The following GDA variants were observed in gnomAD, a reference collection of about 807,000 sequenced individuals.
GDA encodes the protein cytoplasmic PSD-95 interactor.
In GDA, 18 loss-of-function variants were observed where a neutral mutation model predicts 59.6. The observed-to-expected ratio is 0.30, with a 90% CI of 0.21 to 0.45. The LOEUF (loss-of-function observed/expected upper bound fraction) is 0.45, where lower values mean the gene tolerates loss of function less well. Ranked by LOEUF, GDA falls within the 20% of genes least tolerant of loss-of-function variation. The pLI is 1.00. For synonymous variants in GDA, 201 were observed against 201.1 expected, an observed-to-expected ratio of 1.00 and a Z score of 0.00; for missense variants, 427 against 552.3, an observed-to-expected ratio of 0.77 and a Z score of 2.27.
Position 72,192,482 on chromosome 9 carries a change from G to A in GDA, c.124-3018G>A, listed in dbSNP as rs535031691. On this transcript the variant is annotated intron_variant, in intron 1 of 13. Coordinates refer to ENST00000358399, the MANE Select transcript of GDA (RefSeq NM_004293.5). ...CCTGACCTCGTGATTCACCTGCCTC[G>A]GCCTCCCAAAGTGCTGGGATTACAG... 1.2e-4 allele frequency among the ~76,000 whole-genome samples: 18 copies of A among 150,322 alleles called. 1 individual carries two copies. The highest frequency in any genetic ancestry group is 3.4e-3 in the Middle Eastern group (1 of 294).
intron 5 of GDA, among the ~76,000 whole-genome samples, chr9:72,218,699 G>A (rs1421085820): frequency 6.6e-6 from 1 of 152,158 alleles, no homozygotes; most frequent in Non-Finnish European, 1.5e-5. Context: ...ATCCCCAAGA[G>A]AACTCTACCC....
chr9:72,240,516 A>C (rs562735701), intron 10 of GDA, among the ~76,000 whole-genome samples: 9 of 152,318 alleles, frequency 5.9e-5, no homozygotes, highest in South Asian at 2.1e-4. Context: ...GTGGGTCCCT[A>C]AAAGATGTCT....
upstream of GDA, among the ~76,000 whole-genome samples, chr9:72,146,825 A>G (rs1459128321): frequency 1.3e-5 from 2 of 152,160 alleles, no homozygotes; most frequent in Non-Finnish European, 2.9e-5. Flanking sequence ...TGGCTGAGCC[A>G]TGCTGCCTGG....
rs764025279 is a variant in GDA at position 72,241,313 on chromosome 9, A to G, written c.1135+15A>G. On this transcript the variant is annotated intron_variant, in intron 11 of 13. Transcript: ENST00000358399. ...AGGAAGCCAAGGTAATGACTCTTAC[A>G]TTTTTCTCTCACACAATATACAACC... The G allele has an allele frequency of 6.4e-7, 1 of 1,573,464 alleles. No homozygotes were observed. The highest frequency in any genetic ancestry group is 8.7e-7 in the Non-Finnish European group (1 of 1,149,240).
chr9:72,183,658 T>G (rs1312493726), intron 1 of GDA, among the ~76,000 whole-genome samples: 1 of 152,224 alleles, frequency 6.6e-6, no homozygotes, highest in Non-Finnish European at 1.5e-5. Context: ...ACTTAACATC[T>G]CTGTGCCTCA....
chr9:72,213,802 CAAAAAAA>C (rs200145454), intron 4 of GDA, 77 bp from the exon 5 acceptor site: 172,395 of 615,740 alleles, frequency 0.28, 20,202 homozygotes, highest in East Asian at 0.5. Context: ...GACTCCGTCT[CAAAAAAA>C]AAAAAAAAAA....
At position 72,245,280 on chromosome 9, in the gene GDA, T is replaced by C. The variant is rs1840027399; in HGVS notation, c.1266+2T>C. 6.2e-7 allele frequency: 1 copy of C among 1,604,996 alleles called. No homozygotes were observed. The highest frequency in any genetic ancestry group is 1.7e-5 in the Admixed American group (1 of 59,908). ...GACTTTTTTGGTGATATTTCTGAGG[T>C]AAGTAAAAGAAAGTTAATCAAAAGG... On this transcript the variant is annotated splice_donor_variant, in intron 12 of 13. Transcript: ENST00000358399. LOFTEE classifies it high-confidence loss of function.
chr9:72,127,730 G>A (rs557652693), intron 1 of GDA, among the ~76,000 whole-genome samples: 33 of 151,952 alleles, frequency 2.2e-4, no homozygotes, highest in Non-Finnish European at 4.9e-4. Context: ...TTTCAAGCTA[G>A]TTCTTGGATA....
At chr9:72,121,648 T>C (rs893076899) in intron 1 of GDA, among the ~76,000 whole-genome samples, 2 of 152,152 alleles carry the variant, frequency 1.3e-5, no homozygotes, top group Non-Finnish European at 2.9e-5. Flanking sequence ...TCTGCCCTTG[T>C]TTGTCTCCAA....
At chr9:72,231,233 T>A in intron 10 of GDA, 52 bp downstream of exon 10, 1 of 952,998 alleles carries the variant, frequency 1.0e-6, no homozygotes, top group Non-Finnish European at 1.7e-6. Flanking sequence ...TACTGTGTAA[T>A]TTTCTAATGT....
At chr9:72,169,094 A>T (rs1376498775) in intron 1 of GDA, among the ~76,000 whole-genome samples, 1 of 152,224 alleles carries the variant, frequency 6.6e-6, no homozygotes, top group African/African-American at 2.4e-5. Flanking sequence ...AAACTTTCTA[A>T]ACCCTTCCAA....
At chr9:72,201,469 A>C (rs916456706) in intron 2 of GDA, among the ~76,000 whole-genome samples, 6 of 152,204 alleles carry the variant, frequency 3.9e-5, no homozygotes, top group African/African-American at 1.4e-4. Flanking sequence ...GACAAGATCA[A>C]GATGACCACT....
intron 2 of GDA, among the ~76,000 whole-genome samples, chr9:72,202,308 A>G (rs1389992949): frequency 6.6e-6 from 1 of 152,154 alleles, no homozygotes; most frequent in African/African-American, 2.4e-5. Flanking sequence ...GCTTCTGCTC[A>G]ATGCTGTGTT....
At chr9:72,121,674 A>G (rs1156683948) in intron 1 of GDA, among the ~76,000 whole-genome samples, 1 of 152,180 alleles carries the variant, frequency 6.6e-6, no homozygotes, top group Non-Finnish European at 1.5e-5. Flanking sequence ...TCCCTCTTTA[A>G]CCCAATCATT....
chr9:72,246,417 G>A (rs552890915), intron 12 of GDA, among the ~76,000 whole-genome samples: 8 of 152,286 alleles, frequency 5.3e-5, no homozygotes, highest in Non-Finnish European at 8.8e-5. Flanking sequence ...CAAAGTGTTG[G>A]GATTATAGGC....
At chr9:72,191,971 T>C (rs544725464) in intron 1 of GDA, among the ~76,000 whole-genome samples, 4 of 152,254 alleles carry the variant, frequency 2.6e-5, no homozygotes, top group South Asian at 4.1e-4. Flanking sequence ...CTTGAGGTAC[T>C]CTTCTTTCGA....
At chr9:72,205,965 G>A (rs61460884) in intron 3 of GDA, among the ~76,000 whole-genome samples, 2,683 of 152,130 alleles carry the variant, frequency 0.018, 64 homozygotes, top group African/African-American at 0.059. Context: ...CCAGCTTTCC[G>A]TTTCAATTTC....
chr9:72,237,212 C>T (rs777875001), intron 10 of GDA, among the ~76,000 whole-genome samples: 1 of 152,178 alleles, frequency 6.6e-6, no homozygotes, highest in Non-Finnish European at 1.5e-5. Flanking sequence ...CCTTCCTCCA[C>T]CAACTTCAGT....
At position 72,149,450 on chromosome 9, in the gene GDA, C is replaced by A; in HGVS notation, c.-110C>A. ...CGGGTAAGCGGGGGCAGGACAAGGC[C>A]GGAGCCTGTGTCCGCCCGGCAGCCG... On this transcript the variant is annotated 5_prime_UTR_variant, in exon 1 of 14. Transcript: ENST00000358399. The A allele has an allele frequency of 7.4e-7, 1 of 1,349,492 alleles. No individual in the cohort carries two copies. Among genetic ancestry groups the A allele is most frequent in the Non-Finnish European group, 1.0e-6 (1 of 994,944 alleles). The allele number at this position is 1,349,492 out of a possible 1,614,324, so 83.6% of individuals were successfully genotyped here. A position where few individuals can be genotyped will look rare whatever the true frequency, so the allele number is the denominator to read the frequency against.
Sources: allele counts gnomAD v4.1 joint callset (sites outside exome capture counted in the v4.1 genomes callset), GRCh38; gene constraint gnomAD v4.1.1; transcripts MANE v1.5; gene names NCBI Gene and HGNC (gene_info 2026-07-23, HGNC 2026-07-21).